MAEA: variants seen among roughly 807,000 people sequenced by gnomAD.
MAEA encodes E3 ubiquitin-protein transferase MAEA.
A neutral mutation model predicts 46.2 loss-of-function variants in MAEA; 22 were observed. The observed-to-expected ratio is 0.48, with a 90% CI of 0.34 to 0.68. The LOEUF (loss-of-function observed/expected upper bound fraction) is 0.68, where lower values mean the gene tolerates loss of function less well. Ranked by LOEUF, MAEA falls within the 30% of genes least tolerant of loss-of-function variation. The pLI, the probability that MAEA is intolerant of heterozygous loss-of-function variation, is 0.01. For missense variants in MAEA, 393 were observed against 558.1 expected (o/e 0.70, Z 2.98); for synonymous variants, 246 against 222.6 (o/e 1.11, Z -0.94).
At chr4:1,320,868 A>G (rs183083521) in intron 3 of MAEA, among the ~76,000 whole-genome samples, 31 of 152,272 alleles carry the variant, frequency 2.0e-4, no homozygotes, top group African/African-American at 2.4e-5. Context: ...TGGGAGGCCA[A>G]GGTGGGCAGA....
rs145461041 is a variant in MAEA at position 1,323,541 on chromosome 4, C to T, written c.579+1038C>T. ...GCAAAGACGGGACGAAAAAGTAGAGCGGCTAGTAGCTCCCCTAAAGAGAGT... is the reference window on the plus strand; with the variant it reads ...GCAAAGACGGGACGAAAAAGTAGAGTGGCTAGTAGCTCCCCTAAAGAGAGT... On this transcript the variant is annotated intron_variant, in intron 4 of 8. Coordinates refer to ENST00000303400, the MANE Select transcript of MAEA (RefSeq NM_001017405.3). The T allele has an allele frequency of 1.3e-3, 914 of 702,532 alleles. 8 individuals are homozygous for T. In the African/African-American group the frequency reaches 0.014, roughly 10 times the overall value. 43.5% of individuals were successfully genotyped at this position (702,532 alleles called of 1,614,324 possible). A position where few individuals can be genotyped will look rare whatever the true frequency, so the allele number is the denominator to read the frequency against.
At chr4:1,328,714 C>G in intron 5 of MAEA, 1 of 1,264,286 alleles carries the variant, frequency 7.9e-7, no homozygotes, top group South Asian at 1.3e-5. Flanking sequence ...GGGTGGTCCC[C>G]AAGACGCACG....
chr4:1,310,307 C>G (rs1223399480), intron 1 of MAEA, among the ~76,000 whole-genome samples: 5 of 152,214 alleles, frequency 3.3e-5, no homozygotes, highest in Admixed American at 2.0e-4. Flanking sequence ...AGCTGAAGTG[C>G]TGTCTGCTGT....
intron 6 of MAEA, chr4:1,335,211 C>A (rs1712587284): frequency 1.0e-6 from 1 of 985,338 alleles, no homozygotes; most frequent in Admixed American, 6.1e-5. Context: ...CGGTTGTTTT[C>A]CATTTCATAC....
intron 1 of MAEA, among the ~76,000 whole-genome samples, chr4:1,293,821 C>A (rs1049846420): frequency 6.8e-6 from 1 of 147,066 alleles, no homozygotes; most frequent in African/African-American, 2.4e-5. Flanking sequence ...AGTCTGGTTG[C>A]CCAGGCATGG....
chr4:1,316,986 G>C (rs560628306), intron 3 of MAEA, among the ~76,000 whole-genome samples: 18 of 109,846 alleles, frequency 1.6e-4, no homozygotes, highest in Admixed American at 9.9e-4. Context: ...CCACACTCTA[G>C]ACTCACCCCC....
chr4:1,333,453 T>A (rs1349015156), intron 6 of MAEA, among the ~76,000 whole-genome samples: 1 of 152,162 alleles, frequency 6.6e-6, no homozygotes, highest in African/African-American at 2.4e-5. Context: ...CTACAGCCCC[T>A]GAGTCAGGAG....
intron 6 of MAEA, 82 bp from the exon 7 acceptor site, chr4:1,336,779 C>T (rs1288120751): frequency 1.4e-6 from 2 of 1,417,274 alleles, no homozygotes; most frequent in African/African-American, 2.8e-5. Flanking sequence ...ATGGCACCTG[C>T]TTCACCATGG....
At chr4:1,337,152 G>A (rs1008356435) in intron 7 of MAEA, 158 bp downstream of exon 7, 15 of 865,530 alleles carry the variant, frequency 1.7e-5, no homozygotes, top group African/African-American at 8.4e-5. Flanking sequence ...GATGGTCGGG[G>A]TGGGGCCGTG....
intron 4 of MAEA, among the ~76,000 whole-genome samples, chr4:1,326,273 C>T (rs1391923911): frequency 6.6e-6 from 1 of 152,222 alleles, no homozygotes; most frequent in Non-Finnish European, 1.5e-5. Context: ...TCTGTTCATG[C>T]CGTCCTGAGA....
intron 1 of MAEA, among the ~76,000 whole-genome samples, chr4:1,303,586 A>G (rs1198845358): frequency 6.6e-6 from 1 of 152,048 alleles, no homozygotes; most frequent in Non-Finnish European, 1.5e-5. Flanking sequence ...GCCAGATACA[A>G]AAGTCCACAT....
intron 1 of MAEA, among the ~76,000 whole-genome samples, chr4:1,297,305 A>T (rs1488622831): frequency 6.6e-6 from 1 of 152,132 alleles, no homozygotes; most frequent in Admixed American, 6.5e-5. Context: ...CGCGGCCAGG[A>T]GGAGGGTAAG....
At chr4:1,336,344 A>G (rs1420752736) in intron 6 of MAEA, among the ~76,000 whole-genome samples, 1 of 151,056 alleles carries the variant, frequency 6.6e-6, no homozygotes, top group Admixed American at 6.6e-5. Context: ...TTGAAATCAG[A>G]GAAGTCAGCA....
chr4:1,306,090 G>A (rs1735801793), intron 1 of MAEA, among the ~76,000 whole-genome samples: 1 of 152,216 alleles, frequency 6.6e-6, no homozygotes, highest in African/African-American at 2.4e-5. Flanking sequence ...GGGGAAGGCT[G>A]TGGGCTTTCC....
intron 1 of MAEA, among the ~76,000 whole-genome samples, chr4:1,295,145 A>C (rs1734510495): frequency 6.6e-6 from 1 of 152,050 alleles, no homozygotes; most frequent in African/African-American, 2.4e-5. Flanking sequence ...TGCCTGTAGC[A>C]TGTGACTGCC....
chr4:1,333,265 C>T (rs1485708400), intron 6 of MAEA, among the ~76,000 whole-genome samples: 1 of 151,576 alleles, frequency 6.6e-6, no homozygotes, highest in Non-Finnish European at 1.5e-5. Flanking sequence ...CACTTGAGCC[C>T]ATAAGGTTGA....
chr4:1,312,942 G>A (rs1470759217), intron 2 of MAEA, among the ~76,000 whole-genome samples: 1 of 152,192 alleles, frequency 6.6e-6, no homozygotes, highest in East Asian at 1.9e-4. Flanking sequence ...GGGGTCAGAG[G>A]TGAGCAGCAA....
chr4:1,316,173 G>A (rs1737142401), intron 3 of MAEA, among the ~76,000 whole-genome samples: 1 of 152,188 alleles, frequency 6.6e-6, no homozygotes, highest in African/African-American at 2.4e-5. Flanking sequence ...GGCGGGGTGC[G>A]TTTTCCGTGT....
At chr4:1,329,140 T>C (rs1338991922) in intron 5 of MAEA, 1 of 985,576 alleles carries the variant, frequency 1.0e-6, no homozygotes, top group African/African-American at 1.7e-5. Context: ...CCGGAGTCCC[T>C]CCGTCACAGA....
Sources: gnomAD v4.1 joint callset for allele counts (sites outside exome capture counted in the v4.1 genomes callset) on GRCh38, gnomAD v4.1.1 for gene constraint, MANE v1.5 for transcripts, NCBI Gene and HGNC (gene_info 2026-07-23, HGNC 2026-07-21) for gene names.